OR6J1: variants seen among roughly 807,000 people sequenced by gnomAD.
OR6J1 encodes the protein olfactory receptor 6J1.
For synonymous variants in OR6J1, 109 were observed against 70.0 expected (o/e 1.56, Z -2.78); for missense variants, 304 against 166.8 (o/e 1.82, Z -4.53).
At chr14:22,636,163 A>G (rs1594901546) in intron 1 of OR6J1, among the ~76,000 whole-genome samples, 1 of 151,706 alleles carries the variant, frequency 6.6e-6, no homozygotes, top group African/African-American at 2.4e-5. Context: ...GAGGAAAAAT[A>G]AATGTACAAA....
intron 1 of OR6J1, among the ~76,000 whole-genome samples, chr14:22,638,186 C>CA (rs2037610346): frequency 1.3e-5 from 1 of 76,444 alleles, no homozygotes; most frequent in Non-Finnish European, 2.4e-5. Flanking sequence ...GCCATGATGA[C>CA]AATGGCGGTT....
At position 22,633,483 on chromosome 14, in the gene OR6J1, T is replaced by C. The variant is rs896865484; in HGVS notation, c.*285A>G. The C allele has an allele frequency of 2.9e-6, 1 of 350,796 alleles. No homozygotes were observed. The highest frequency in any genetic ancestry group is 2.1e-5 in the African/African-American group (1 of 48,128). The allele number at this position is 350,796 out of a possible 1,614,324, so 21.7% of individuals were successfully genotyped here. On this transcript the variant is annotated 3_prime_UTR_variant, in exon 2 of 2. Coordinates refer to ENST00000540461, the MANE Select transcript of OR6J1 (RefSeq NM_001348233.2). ...GTTGTGTTCGGGATCCATAAAGAAA[T>C]GGGGCCAAACATGTTAGGACTTTAG...
At chr14:22,636,946 C>G (rs1244614205) in intron 1 of OR6J1, among the ~76,000 whole-genome samples, 1 of 122,902 alleles carries the variant, frequency 8.1e-6, no homozygotes, top group East Asian at 2.1e-4. Flanking sequence ...TCTGCCCGGC[C>G]GCCATCCCAT....
chr14:22,634,211 G>A lies in OR6J1; in HGVS notation c.601C>T (p.Leu201Phe). Residue 201 changes from leucine (L) to phenylalanine (F), a missense_variant, in exon 2 of 2, where the codon CTT (leucine) becomes TTT (phenylalanine). By Grantham distance (22) the Leu-to-Phe change is conservative. Transcript: ENST00000540461. ...TTAIELMDFM[L>F]SSMVILCCIV... ...CAGCAGAGGATGACCATGGAAGAAAGCATAAAATCCATCAGCTCGATGGCA... is the reference window on the plus strand; with the variant it reads ...CAGCAGAGGATGACCATGGAAGAAAACATAAAATCCATCAGCTCGATGGCA... The A allele has an allele frequency of 1.4e-6, 1 of 703,490 alleles. No homozygotes were observed. The highest frequency in any genetic ancestry group is 1.7e-5 in the African/African-American group (1 of 57,388). 43.6% of individuals were successfully genotyped at this position (703,490 alleles called of 1,614,324 possible).
chr14:22,639,427 G>A (rs1344218754), intron 1 of OR6J1, among the ~76,000 whole-genome samples: 2 of 132,160 alleles, frequency 1.5e-5, no homozygotes, highest in Admixed American at 7.1e-5. Context: ...CTGCCCGGCC[G>A]CCCCTACTGG....
At chr14:22,643,762 CACAGAGAGAGAG>C (rs1257967685) in intron 1 of OR6J1, among the ~76,000 whole-genome samples, 36 of 53,118 alleles carry the variant, frequency 6.8e-4, no homozygotes, top group African/African-American at 2.6e-3. Context: ...CACACACACA[CACAGAGAGAGAG>C]AGAGAGAGAG....
chr14:22,639,490 A>G (rs1348342253), intron 1 of OR6J1, among the ~76,000 whole-genome samples: 15 of 132,684 alleles, frequency 1.1e-4, no homozygotes, highest in South Asian at 2.3e-4. Flanking sequence ...GGTGTGCCCA[A>G]CAGCTCATTG....
intron 1 of OR6J1, among the ~76,000 whole-genome samples, chr14:22,637,279 G>A (rs1478012650): frequency 1.5e-5 from 1 of 67,030 alleles, no homozygotes; most frequent in Non-Finnish European, 2.7e-5. Flanking sequence ...CGGGAGGGAG[G>A]TGGGGGGGGT....
In OR6J1 at chr14:22,634,645, G is replaced by T. The variant is rs528265433; in HGVS notation, c.167C>A (p.Thr56Asn). Residue 56 changes from threonine to asparagine, a missense_variant, in exon 2 of 2, where the codon ACC becomes AAC. Physicochemically the swap from Thr to Asn is moderately conservative, Grantham distance 65. Transcript: ENST00000540461. ...GTTGCACAAGAAGAAGTACATGGGG[G>T]TGTGGAGGCGGGAGCAGGACAGCAC... Reference protein sequence around the residue: ...STVLSCSRLHTPMYFFLCNLS... With the variant: ...STVLSCSRLHNPMYFFLCNLS... The T allele has an allele frequency of 5.0e-5, 37 of 745,682 alleles. No homozygotes were observed. Among genetic ancestry groups the T allele is most frequent in the Admixed American group, 3.7e-4 (20 of 54,282 alleles). 46.2% of individuals were successfully genotyped at this position (745,682 alleles called of 1,614,324 possible).
chr14:22,642,626 C>T (rs1359334706), intron 1 of OR6J1, among the ~76,000 whole-genome samples: 1 of 152,052 alleles, frequency 6.6e-6, no homozygotes, highest in African/African-American at 2.4e-5. Flanking sequence ...GGACAAGCCA[C>T]CATGCCTGGC....
intron 1 of OR6J1, among the ~76,000 whole-genome samples, chr14:22,640,233 GGAAGGAT>G: frequency 1.8e-5 from 2 of 112,724 alleles, no homozygotes; most frequent in Non-Finnish European, 1.8e-5. Flanking sequence ...AGGGAGGGAA[GGAAGGAT>G]GGAAGGAAGG....
intron 1 of OR6J1, among the ~76,000 whole-genome samples, chr14:22,637,087 C>A (rs1333610064): frequency 8.4e-6 from 1 of 119,096 alleles, no homozygotes; most frequent in Admixed American, 7.4e-5. Flanking sequence ...ATGTGAGGAG[C>A]GCCTCTGCTG....
chr14:22,640,852 A>T (rs1391733714), intron 1 of OR6J1, among the ~76,000 whole-genome samples: 1 of 150,456 alleles, frequency 6.6e-6, no homozygotes, highest in African/African-American at 2.4e-5. Context: ...TTTTTTTTAC[A>T]ATGAACAAAT....
At chr14:22,641,164 AAGAAAGAGAGAGAGAG>A (rs978480087) in intron 1 of OR6J1, among the ~76,000 whole-genome samples, 2 of 145,004 alleles carry the variant, frequency 1.4e-5, no homozygotes, top group African/African-American at 5.1e-5. Flanking sequence ...ACTCTGAAGA[AAGAAAGAGAGAGAGAG>A]AGAAAGAGAG....
chr14:22,639,412 C>T lies in OR6J1; in HGVS notation c.-27-4574G>A, dbSNP rs1405719322. Among the ~76,000 whole-genome samples the T allele has an allele frequency of 5.5e-3, 709 of 129,436 alleles. 36 individuals carry two copies. The highest frequency in any genetic ancestry group is 1.1e-3 in the Non-Finnish European group (65 of 61,698). The allele number at this position is 129,436 out of a possible 152,430, so 84.9% of individuals were successfully genotyped here. On this transcript the variant is annotated intron_variant, in intron 1 of 1. Coordinates refer to ENST00000540461, the MANE Select transcript of OR6J1 (RefSeq NM_001348233.2). The stretch of plus-strand genomic sequence containing the variant: ...GCCGCCCCGTCCGGGAGGTGAGGGG[C>T]GCCTCTGCCCGGCCGCCCCTACTGG...
rs2037562198 is a variant in OR6J1, at chr14:22,633,667, G to A, written c.*101C>T. On this transcript the variant is annotated 3_prime_UTR_variant, in exon 2 of 2. Transcript: ENST00000540461. ...GTCACAGATTAAAGTGAAAACCAAGGCCAGCGTTCAAGTCTCTGTCTCCGC... is the reference window on the plus strand; with the variant it reads ...GTCACAGATTAAAGTGAAAACCAAGACCAGCGTTCAAGTCTCTGTCTCCGC... 1.7e-6 allele frequency: 1 copy of A among 598,124 alleles called. No individual in the cohort carries two copies. The allele number at this position is 598,124 out of a possible 1,614,324, so 37.1% of individuals were successfully genotyped here.
In OR6J1 at chr14:22,632,949, G is replaced by A. The variant is rs2139289748; in HGVS notation, c.*819C>T. On this transcript the variant is annotated 3_prime_UTR_variant, in exon 2 of 2. Coordinates refer to ENST00000540461, the MANE Select transcript of OR6J1 (RefSeq NM_001348233.2). The stretch of plus-strand genomic sequence containing the variant: ...CATCAGCTTGCACCTGGCACCCAAA[G>A]TGGCCACTCCAGCCACCAAGCCTAT... 1 of 152,312 alleles carries A rather than the reference G, an allele frequency of 6.6e-6. No homozygotes were observed. Among genetic ancestry groups the A allele is most frequent in the East Asian group, 1.9e-4 (1 of 5,190 alleles). 9.4% of individuals were successfully genotyped at this position (152,312 alleles called of 1,614,324 possible).
At chr14:22,640,232 A>AGGAAGGAT in intron 1 of OR6J1, among the ~76,000 whole-genome samples, 1 of 88,076 alleles carries the variant, frequency 1.1e-5, no homozygotes, top group Non-Finnish European at 2.4e-5. Context: ...GAGGGAGGGA[A>AGGAAGGAT]GGAAGGATGG....
chr14:22,641,404 AGGAT>A (rs1340600907), intron 1 of OR6J1, among the ~76,000 whole-genome samples: 2 of 55,166 alleles, frequency 3.6e-5, no homozygotes, highest in Admixed American at 1.3e-4. Flanking sequence ...AGAGAAAGGA[AGGAT>A]GGAAGGAAGG....
Sources: allele counts gnomAD v4.1 joint callset (sites outside exome capture counted in the v4.1 genomes callset), GRCh38; gene constraint gnomAD v4.1.1; transcripts MANE v1.5; gene names NCBI Gene and HGNC (gene_info 2026-07-23, HGNC 2026-07-21).